The following TMEM164 variants were observed in gnomAD, a reference collection of about 807,000 sequenced individuals.
TMEM164 encodes the protein RP13-360B22.2.
A neutral mutation model predicts 18.8 loss-of-function variants in TMEM164; 4 were observed. That is an observed-to-expected ratio of 0.21 (90% CI 0.10 to 0.49). The LOEUF is 0.49. TMEM164 is among the 20% of genes least tolerant of loss of function. TMEM164 has a pLI of 0.98. For missense variants in TMEM164, 108 were observed against 239.9 expected, an observed-to-expected ratio of 0.45 and a Z score of 3.63; for synonymous variants, 86 against 101.7, an observed-to-expected ratio of 0.85 and a Z score of 0.93.
At chrX:110,057,058 A>C (rs1216459954) in intron 2 of TMEM164, among the ~76,000 whole-genome samples, 2 of 110,791 alleles carry the variant, frequency 1.8e-5, no homozygotes, top group Non-Finnish European at 3.8e-5. Flanking sequence ...ATCTATTCTT[A>C]TAGCAAATTT....
At chrX:110,023,969 G>C (rs1366590591) in intron 2 of TMEM164, among the ~76,000 whole-genome samples, 1 of 112,228 alleles carries the variant, frequency 8.9e-6, no homozygotes, top group South Asian at 3.7e-4. Flanking sequence ...CATTTGTCAA[G>C]TAAGTCCCTT....
chrX:110,018,820 T>C (rs1343206236), intron 2 of TMEM164, among the ~76,000 whole-genome samples: 1 of 112,365 alleles, frequency 8.9e-6, no homozygotes, highest in Non-Finnish European at 1.9e-5. Context: ...TTTGCCCTTC[T>C]TACCTTATAG....
chrX:110,093,153 A>T (rs1322293869), intron 3 of TMEM164, among the ~76,000 whole-genome samples: 1 of 111,361 alleles, frequency 9.0e-6, no homozygotes, highest in Admixed American at 9.5e-5. Flanking sequence ...TTCATCAGGG[A>T]TATTGGTCTA....
At chrX:110,051,847 T>C (rs756131686) in intron 2 of TMEM164, among the ~76,000 whole-genome samples, 1 of 111,782 alleles carries the variant, frequency 8.9e-6, no homozygotes, top group African/African-American at 3.3e-5. Flanking sequence ...ACCATACTTA[T>C]ATTTTTAGTG....
chrX:110,117,094 A>C (rs1201744758), intron 4 of TMEM164, among the ~76,000 whole-genome samples: 2 of 111,601 alleles, frequency 1.8e-5, no homozygotes, highest in Non-Finnish European at 3.8e-5. Flanking sequence ...AGCCATTATT[A>C]GTCTTTGATC....
rs369290078 is a variant in TMEM164 at position 110,140,603 on chromosome X, A to C, written c.508-4195A>C. On this transcript the variant is annotated intron_variant, in intron 4 of 6. Transcript: ENST00000372068. ...AGAGTCCACGCACCTACTGTTTCAG[A>C]CAGTCTAAACTCTAGAGCCCTAGAG... Among the ~76,000 whole-genome samples, 178 of 111,922 alleles carry C rather than the reference A, an allele frequency of 1.6e-3. 3 individuals are homozygous for C. In the South Asian group the frequency reaches 0.057, roughly 36 times the overall value.
intron 2 of TMEM164, among the ~76,000 whole-genome samples, chrX:110,032,155 G>A (rs1345545977): frequency 8.9e-6 from 1 of 111,882 alleles, no homozygotes; most frequent in Non-Finnish European, 1.9e-5. Flanking sequence ...TTAAAAATGG[G>A]TAAATATAAG....
chrX:110,098,844 G>A (rs1212718374), intron 3 of TMEM164, among the ~76,000 whole-genome samples: 71 of 104,408 alleles, frequency 6.8e-4, no homozygotes, highest in African/African-American at 2.3e-3. Context: ...CCACCCAGGC[G>A]TGATCTTGGC....
chrX:110,103,761 TC>T (rs2066145918), intron 3 of TMEM164, among the ~76,000 whole-genome samples: 1 of 111,897 alleles, frequency 8.9e-6, no homozygotes, highest in East Asian at 2.8e-4. Context: ...TCATGACTTT[TC>T]TTTGCTTCTT....
chrX:110,181,417 T>C (rs1454172748), downstream of TMEM164, among the ~76,000 whole-genome samples: 1 of 112,326 alleles, frequency 8.9e-6, no homozygotes, highest in African/African-American at 3.2e-5. Context: ...CAGCGGGGGA[T>C]GCATCGGAGT....
chrX:110,155,326 A>G (rs1297176160), intron 5 of TMEM164, among the ~76,000 whole-genome samples: 1 of 110,776 alleles, frequency 9.0e-6, no homozygotes, highest in East Asian at 2.8e-4. Flanking sequence ...AATAGAGATA[A>G]CACAGGCTTG....
Position 110,176,233 on chromosome X carries a change from C to A in TMEM164, c.*2782C>A. Reference sequence around the variant, plus strand: ...GCCAGGGATGTGGGCCAAGAACAGTCTGTGGAGCTGGCCAACTTGTGGCAT... The same window carrying A: ...GCCAGGGATGTGGGCCAAGAACAGTATGTGGAGCTGGCCAACTTGTGGCAT... On this transcript the variant is annotated 3_prime_UTR_variant, in exon 7 of 7. Transcript: ENST00000372068. 1 of 756,736 alleles carries A rather than the reference C, an allele frequency of 1.3e-6. No individual in the cohort carries two copies. Among genetic ancestry groups the A allele is most frequent in the Non-Finnish European group, 1.6e-6 (1 of 639,653 alleles). The allele number at this position is 756,736 out of a possible 1,213,427, so 62.4% of individuals were successfully genotyped here.
chrX:110,084,446 A>G (rs376720595), intron 3 of TMEM164, among the ~76,000 whole-genome samples: 155 of 6,601 alleles, frequency 0.023, 4 homozygotes, highest in Admixed American at 0.086. Flanking sequence ...TATATATAGT[A>G]TATATATATA....
intron 4 of TMEM164, among the ~76,000 whole-genome samples, chrX:110,112,626 G>A (rs1421022306): frequency 8.9e-6 from 1 of 112,000 alleles, no homozygotes; most frequent in East Asian, 2.8e-4. Context: ...TTATTTAATC[G>A]TTGCAATAAA....
At chrX:110,010,935 C>T (rs951479391) in intron 2 of TMEM164, among the ~76,000 whole-genome samples, 3 of 111,597 alleles carry the variant, frequency 2.7e-5, no homozygotes, top group African/African-American at 9.8e-5. Context: ...CTTCTATATC[C>T]CCCCGCTTTC....
At chrX:110,063,604 C>T in intron 2 of TMEM164, among the ~76,000 whole-genome samples, 1 of 111,323 alleles carries the variant, frequency 9.0e-6, no homozygotes, top group Non-Finnish European at 1.9e-5. Context: ...AGGGATCTTT[C>T]CTGAGGAAGC....
chrX:110,005,855 G>C (rs1201127656), intron 2 of TMEM164, among the ~76,000 whole-genome samples: 1 of 111,638 alleles, frequency 9.0e-6, no homozygotes, highest in East Asian at 2.8e-4. Flanking sequence ...GTCAAAGGGT[G>C]CATCTTCTAC....
At chrX:110,072,296 CAA>C (rs56056315) in intron 3 of TMEM164, among the ~76,000 whole-genome samples, 40 of 46,265 alleles carry the variant, frequency 8.6e-4, no homozygotes, top group Middle Eastern at 0.011. Context: ...GACTCCATCT[CAA>C]AAAAAAAAAA....
chrX:110,158,965 A>G (rs1254502203), intron 5 of TMEM164, among the ~76,000 whole-genome samples: 2 of 112,517 alleles, frequency 1.8e-5, no homozygotes, highest in Non-Finnish European at 3.7e-5. Context: ...AATTAGCATT[A>G]AATGACTTAA....
Sources: allele counts gnomAD v4.1 joint callset (sites outside exome capture counted in the v4.1 genomes callset), GRCh38; gene constraint gnomAD v4.1.1; transcripts MANE v1.5; gene names NCBI Gene and HGNC (gene_info 2026-07-23, HGNC 2026-07-21).